The following PRDM1 variants were observed in gnomAD, a reference collection of about 807,000 sequenced individuals.
PRDM1 encodes the protein PR domain zinc finger protein 1.
PRDM1 carries 13 observed loss-of-function variants against 62.8 expected under a neutral mutation model. The observed-to-expected ratio is 0.21, with a 90% confidence interval of 0.13 to 0.33. The LOEUF (loss-of-function observed/expected upper bound fraction) is 0.33, where lower values mean the gene tolerates loss of function less well. PRDM1 is among the 10% of genes least tolerant of loss of function. The pLI, the probability that PRDM1 is intolerant of heterozygous loss-of-function variation, is 1.00. For synonymous variants in PRDM1, 396 were observed against 417.6 expected (o/e 0.95, Z 0.63); for missense variants, 895 against 1,058.8 (o/e 0.85, Z 2.15).
upstream of PRDM1, among the ~76,000 whole-genome samples, chr6:106,044,928 G>A (rs530539085): frequency 8.2e-4 from 125 of 152,230 alleles, 1 homozygote; most frequent in African/African-American, 2.8e-3. Flanking sequence ...AAAACAAAGG[G>A]CTAGAAATAT....
At chr6:106,062,881 G>C (rs1341885534) in intron 1 of PRDM1, among the ~76,000 whole-genome samples, 1 of 152,132 alleles carries the variant, frequency 6.6e-6, no homozygotes, top group Non-Finnish European at 1.5e-5. Flanking sequence ...CTGTTTTTAA[G>C]AGTCAAAGGA....
intron 1 of PRDM1, among the ~76,000 whole-genome samples, chr6:106,078,540 A>C (rs1300481797): frequency 6.6e-6 from 1 of 152,214 alleles, no homozygotes; most frequent in African/African-American, 2.4e-5. Flanking sequence ...TTTTGAATTT[A>C]ACATTCATTT....
chr6:106,011,204 G>A (rs899394165), intron 1 of PRDM1, among the ~76,000 whole-genome samples: 2 of 152,150 alleles, frequency 1.3e-5, no homozygotes, highest in African/African-American at 4.8e-5. Context: ...TACCGAAGAT[G>A]TACCGAAGAC....
intron 1 of PRDM1, among the ~76,000 whole-genome samples, chr6:106,021,480 C>T (rs924067894): frequency 2.6e-5 from 4 of 152,168 alleles, no homozygotes; most frequent in African/African-American, 9.7e-5. Context: ...TCTGAATTAA[C>T]CTGAGAGGCT....
intron 1 of PRDM1, among the ~76,000 whole-genome samples, chr6:105,998,946 T>TC (rs1772395190): frequency 2.2e-5 from 3 of 133,880 alleles, no homozygotes; most frequent in African/African-American, 5.5e-5. Context: ...TTTTTTTTTT[T>TC]TTTTCTTTTG....
Position 106,106,561 on chromosome 6 carries a change from C to T in PRDM1, c.1902+62C>T, listed in dbSNP as rs1390531922. The T allele has an allele frequency of 3.7e-6, 6 of 1,601,316 alleles. No individual in the cohort carries two copies. Among genetic ancestry groups the T allele is most frequent in the East Asian group, 2.2e-5 (1 of 44,836 alleles). ...GTAGAAAATGTCTGTGAGTCACCCT[C>T]CCATGTCCTATATAGCCCGTAGTTA... is the stretch of plus-strand genomic sequence containing the variant. On this transcript the variant is annotated intron_variant, in intron 6 of 6. Coordinates refer to ENST00000369096, the MANE Select transcript of PRDM1 (RefSeq NM_001198.4). The surrounding 1 kb of genome is among the most constrained non-coding windows in gnomAD (Gnocchi z 4.4).
chr6:106,056,992 C>A (rs979041067), intron 1 of PRDM1, among the ~76,000 whole-genome samples: 2 of 152,170 alleles, frequency 1.3e-5, no homozygotes, highest in Non-Finnish European at 2.9e-5. Flanking sequence ...GACTTCAGCA[C>A]TATACATTTT....
intron 1 of PRDM1, among the ~76,000 whole-genome samples, chr6:106,058,397 A>C (rs1398974213): frequency 6.6e-6 from 1 of 152,126 alleles, no homozygotes; most frequent in Non-Finnish European, 1.5e-5. Context: ...CTCCACCCTC[A>C]TTGCCACATT....
intron 1 of PRDM1, 122 bp from the exon 2 acceptor site, chr6:106,088,079 G>A (rs868359140): frequency 8.2e-6 from 10 of 1,221,498 alleles, no homozygotes; most frequent in Middle Eastern, 3.0e-4. Context: ...TTTCTCAACT[G>A]TACCAAGCAC....
intron 1 of PRDM1, among the ~76,000 whole-genome samples, chr6:106,050,450 GT>G (rs572953580): frequency 6.6e-6 from 1 of 151,864 alleles, no homozygotes; most frequent in Non-Finnish European, 1.5e-5. Context: ...CTTAGGAATT[GT>G]TTTTTTTGTT....
chr6:105,994,591 A>G lies in PRDM1; in HGVS notation c.-67+952A>G, dbSNP rs1772322952. ...TCATTTGGACGAGGTGAGGAGAACT[A>G]GGGTCCTAACAGCAGGTCCAGAGGA... is the stretch of plus-strand genomic sequence containing the variant. On this transcript the variant is annotated intron_variant, in intron 1 of 6. Transcript: ENST00000652320. This position sits in a 1 kb window ranked among gnomAD's most constrained non-coding sequence, Gnocchi z 4.1. 6.6e-6 allele frequency among the ~76,000 whole-genome samples: 1 copy of G among 152,176 alleles called. No individual in the cohort carries two copies. The highest frequency in any genetic ancestry group is 2.4e-5 in the African/African-American group (1 of 41,446).
chr6:106,029,711 A>G (rs1772813307), intron 1 of PRDM1, among the ~76,000 whole-genome samples: 1 of 151,906 alleles, frequency 6.6e-6, no homozygotes, highest in Admixed American at 6.6e-5. Flanking sequence ...GGCTCAGGTG[A>G]TCCTCCTACC....
intron 1 of PRDM1, among the ~76,000 whole-genome samples, chr6:106,051,057 A>AT (rs60001489): frequency 0.91 from 138,119 of 152,286 alleles, 62,768 homozygotes; most frequent in African/African-American, 0.95. Context: ...AAATAAAAAA[A>AT]ATTACTAGAA....
At chr6:106,038,835 C>T (rs1393243021) in intron 1 of PRDM1, among the ~76,000 whole-genome samples, 1 of 152,158 alleles carries the variant, frequency 6.6e-6, no homozygotes, top group Non-Finnish European at 1.5e-5. Context: ...AAGCCTTCCC[C>T]TAGAGGTTGC....
chr6:106,039,935 A>G (rs1336880232), intron 1 of PRDM1, among the ~76,000 whole-genome samples: 1 of 152,252 alleles, frequency 6.6e-6, no homozygotes, highest in East Asian at 1.9e-4. Context: ...AAGGTTTGCC[A>G]GTGATATTTT....
chr6:106,056,272 G>C (rs548299101), intron 1 of PRDM1, among the ~76,000 whole-genome samples: 1 of 152,140 alleles, frequency 6.6e-6, no homozygotes, highest in Admixed American at 6.5e-5. Flanking sequence ...GGAGAAGCAC[G>C]GAGAGTCTGC....
Position 106,095,623 on chromosome 6 carries a change from A to C in PRDM1, c.300A>C (p.Gly100=). The change falls in exon 3 of 7, where the codon GGA becomes GGC. Residue 100 remains glycine (G), a synonymous_variant. Transcript: ENST00000369096. The part of the protein sequence containing the change: ...KYATNSEEVI[G]VMSKEYIPKG... ...TGTTTTTTCCTGTTTAGGTTATTGG[A>C]GTGATGAGTAAAGAATACATACCAA... The C allele has an allele frequency of 6.2e-7, 1 of 1,613,942 alleles. No individual in the cohort carries two copies. The highest frequency in any genetic ancestry group is 1.6e-4 in the Middle Eastern group (1 of 6,062).
intron 1 of PRDM1, chr6:106,087,667 G>A (rs1773844051): frequency 1.7e-5 from 4 of 232,904 alleles, no homozygotes; most frequent in Non-Finnish European, 3.4e-5. Flanking sequence ...TGCGTTGGGA[G>A]CTGGTGGGAA....
At chr6:106,021,869 C>G (rs561220550) in intron 1 of PRDM1, among the ~76,000 whole-genome samples, 9 of 152,216 alleles carry the variant, frequency 5.9e-5, no homozygotes, top group Admixed American at 5.9e-4. Context: ...ATCCACCCAC[C>G]TCGGCCTCCC....
Sources: gnomAD v4.1 joint callset for allele counts (sites outside exome capture counted in the v4.1 genomes callset) on GRCh38, gnomAD v4.1.1 for gene constraint, Gnocchi (gnomAD v3.1) non-coding constraint, MANE v1.5 for transcripts, NCBI Gene and HGNC (gene_info 2026-07-23, HGNC 2026-07-21) for gene names.